The following NXN variants were observed in gnomAD, a reference collection of about 807,000 sequenced individuals.
NXN encodes nucleoredoxin 1.
In NXN, 16 loss-of-function variants were observed where a neutral mutation model predicts 48.6. That is an observed-to-expected ratio of 0.33 (90% CI 0.22 to 0.50). The LOEUF (loss-of-function observed/expected upper bound fraction) is 0.50. Ranked by LOEUF, NXN falls within the 20% of genes least tolerant of loss-of-function variation. NXN has a pLI of 0.98. For synonymous variants in NXN, 281 were observed against 269.6 expected, an observed-to-expected ratio of 1.04 and a Z score of -0.41; for missense variants, 492 against 605.5, an observed-to-expected ratio of 0.81 and a Z score of 1.97.
intron 1 of NXN, among the ~76,000 whole-genome samples, chr17:947,729 T>A (rs1597266044): frequency 2.9e-5 from 2 of 69,942 alleles, no homozygotes; most frequent in Non-Finnish European, 2.6e-5. Context: ...TGAGGCTCCC[T>A]CTCAAAAAAA....
At chr17:809,183 G>A (rs1911763622) in intron 5 of NXN, among the ~76,000 whole-genome samples, 1 of 152,172 alleles carries the variant, frequency 6.6e-6, no homozygotes, top group African/African-American at 2.4e-5. Flanking sequence ...GGGTGGGGTT[G>A]GCGTGCTTTT....
chr17:878,518 TG>T, intron 1 of NXN, among the ~76,000 whole-genome samples: 1 of 3,764 alleles, frequency 2.7e-4, no homozygotes, highest in East Asian at 7.8e-3. Context: ...AGGTGGGGTT[TG>T]GGGGCAGGGG....
intron 7 of NXN, among the ~76,000 whole-genome samples, chr17:802,245 C>T (rs1427842377): frequency 1.3e-5 from 2 of 152,178 alleles, no homozygotes; most frequent in African/African-American, 4.8e-5. Context: ...CCTCAGCCTC[C>T]TGAGTAGCTG....
At chr17:935,806 G>C (rs1489022931) in intron 1 of NXN, among the ~76,000 whole-genome samples, 1 of 152,046 alleles carries the variant, frequency 6.6e-6, no homozygotes, top group Non-Finnish European at 1.5e-5. Context: ...AAAACCTGCA[G>C]CCTAGGCCGG....
chr17:803,885 G>T (rs2144563263), intron 6 of NXN, 79 bp from the exon 7 acceptor site: 1 of 1,580,480 alleles, frequency 6.3e-7, no homozygotes, highest in East Asian at 2.2e-5. Context: ...CGCCGAGGGG[G>T]CCTGAGCTGC....
At chr17:918,806 G>C (rs1400308916) in intron 1 of NXN, among the ~76,000 whole-genome samples, 3 of 115,352 alleles carry the variant, frequency 2.6e-5, no homozygotes, top group Non-Finnish European at 5.3e-5. Flanking sequence ...AAAAAAGGCC[G>C]GGGGTGGGGG....
chr17:846,055 C>T lies in NXN; in HGVS notation c.361-19977G>A, dbSNP rs562242530. 2.0e-3 allele frequency among the ~76,000 whole-genome samples: 302 copies of T among 152,272 alleles called. 2 individuals are homozygous for T. Among genetic ancestry groups the T allele is most frequent in the African/African-American group, 7.1e-3 (294 of 41,538 alleles). ...CGAGATCACACCACTGCACTCCAGC[C>T]TGGGGGACAGAGCGAGACTGCATCT... On this transcript the variant is annotated intron_variant, in intron 1 of 7. Coordinates refer to ENST00000336868, the MANE Select transcript of NXN (RefSeq NM_022463.5).
At chr17:807,362 C>A (rs1490950201) in intron 5 of NXN, among the ~76,000 whole-genome samples, 3 of 152,248 alleles carry the variant, frequency 2.0e-5, no homozygotes, top group Non-Finnish European at 4.4e-5. Flanking sequence ...CTGCGTGTGC[C>A]CCGGCGTGGG....
intron 1 of NXN, among the ~76,000 whole-genome samples, chr17:971,939 G>A (rs950810015): frequency 6.6e-6 from 1 of 152,094 alleles, no homozygotes. Flanking sequence ...GCCGAGGCGG[G>A]TGGATCACCT....
At chr17:948,582 G>A (rs923608632) in intron 1 of NXN, among the ~76,000 whole-genome samples, 5 of 152,000 alleles carry the variant, frequency 3.3e-5, no homozygotes, top group African/African-American at 1.2e-4. Context: ...GCCTGGGAAA[G>A]GAATGTTTAA....
chr17:870,850 T>TATTC (rs2068144385), intron 1 of NXN, among the ~76,000 whole-genome samples: 1 of 151,616 alleles, frequency 6.6e-6, no homozygotes, highest in South Asian at 2.1e-4. Context: ...TACATGCTTT[T>TATTC]ATTTATTTAT....
In NXN at chr17:887,336, C is replaced by T. The variant is rs560785247; in HGVS notation, c.361-61258G>A. On this transcript the variant is annotated intron_variant, in intron 1 of 7. Coordinates refer to ENST00000336868, the MANE Select transcript of NXN (RefSeq NM_022463.5). The stretch of plus-strand genomic sequence containing the variant: ...GAGGTGCAGGGGGAGGTGTGGACAA[C>T]GTACAGTCACAAGGCAGCGTCCGAT... 1.1e-4 allele frequency among the ~76,000 whole-genome samples: 16 copies of T among 152,252 alleles called. No individual in the cohort carries two copies. In the East Asian group the frequency reaches 1.7e-3, roughly 17 times the overall value.
intron 1 of NXN, among the ~76,000 whole-genome samples, chr17:935,173 T>C (rs145367287): frequency 8.9e-4 from 136 of 152,048 alleles, no homozygotes; most frequent in African/African-American, 3.1e-3. Flanking sequence ...TTTGTGTTTT[T>C]ACTAGAGACA....
intron 5 of NXN, among the ~76,000 whole-genome samples, chr17:810,063 CTGTGAGTGGCGTGCACGTTACGAGTCCG>C (rs747641155): frequency 0.051 from 1,909 of 37,474 alleles, 110 homozygotes; most frequent in African/African-American, 0.075. Context: ...TTACGAGTCC[CTGTGAGTGGCGTGCACGTTACGAGTCCG>C]TGTGAGTGGC....
At chr17:966,290 T>C (rs899009782) in intron 1 of NXN, among the ~76,000 whole-genome samples, 5 of 152,026 alleles carry the variant, frequency 3.3e-5, no homozygotes, top group South Asian at 2.1e-4. Context: ...TAAAACATTA[T>C]GAGATTTTTT....
At chr17:898,549 C>T (rs1469577185) in intron 1 of NXN, among the ~76,000 whole-genome samples, 1 of 71,668 alleles carries the variant, frequency 1.4e-5, no homozygotes, top group African/African-American at 3.2e-5. Context: ...GGAACTCGTC[C>T]GGACGCCATC....
At chr17:893,260 TG>T (rs2068442664) in intron 1 of NXN, among the ~76,000 whole-genome samples, 1 of 152,132 alleles carries the variant, frequency 6.6e-6, no homozygotes, top group Admixed American at 6.6e-5. Context: ...GCTTTCTGAG[TG>T]CGCATGGGTT....
chr17:827,153 G>A (rs1913149958), intron 1 of NXN, among the ~76,000 whole-genome samples: 1 of 152,160 alleles, frequency 6.6e-6, no homozygotes, highest in Admixed American at 6.6e-5. Flanking sequence ...AGACCAGCCT[G>A]GGCAACATGG....
At chr17:863,857 C>T in intron 1 of NXN, 1 of 1,001,480 alleles carries the variant, frequency 1.0e-6, no homozygotes, top group Non-Finnish European at 1.5e-6. Context: ...ATCAACTGTC[C>T]TTCAGGGAAA....
Sources: gnomAD v4.1 joint callset for allele counts (sites outside exome capture counted in the v4.1 genomes callset) on GRCh38, gnomAD v4.1.1 for gene constraint, MANE v1.5 for transcripts, NCBI Gene and HGNC (gene_info 2026-07-23, HGNC 2026-07-21) for gene names.